TTI1: variants seen among roughly 807,000 people sequenced by gnomAD.
The protein encoded by TTI1 is TELO2 interacting protein 1, also known as TELO2-interacting protein 1 homolog.
Under a neutral mutation model 85.4 loss-of-function variants are expected in TTI1, and 52 were observed. The ratio of observed to expected loss-of-function variants is 0.61; its 90% CI spans 0.49 to 0.77. The LOEUF is 0.77. Among genes scored for constraint, TTI1 ranks in the 30% least tolerant of loss-of-function variants. The probability of loss-of-function intolerance (pLI) is 0.00; values close to 1 mark genes in which losing one functional copy is unlikely to be tolerated. For synonymous variants in TTI1, 512 were observed against 503.9 expected, an observed-to-expected ratio of 1.02 and a Z score of -0.22; for missense variants, 1,173 against 1,296.0, an observed-to-expected ratio of 0.91 and a Z score of 1.46.
intron 7 of TTI1, among the ~76,000 whole-genome samples, chr20:37,983,908 C>A (rs1471942002): frequency 2.0e-5 from 3 of 152,148 alleles, no homozygotes; most frequent in African/African-American, 7.2e-5. Flanking sequence ...ATATTGACAG[C>A]AAACAAGCTC....
intron 1 of TTI1, among the ~76,000 whole-genome samples, chr20:38,020,577 G>A (rs2073756679): frequency 6.6e-6 from 1 of 151,262 alleles, no homozygotes; most frequent in African/African-American, 2.4e-5. Flanking sequence ...TTCAAAAAGT[G>A]ACAGAAGATA....
At chr20:38,014,976 G>A (rs570533806) in intron 1 of TTI1, among the ~76,000 whole-genome samples, 1 of 152,116 alleles carries the variant, frequency 6.6e-6, no homozygotes. Flanking sequence ...GTAAAATGTC[G>A]GCATTGGATG....
chr20:38,010,254 T>C (rs910610178), intron 2 of TTI1, among the ~76,000 whole-genome samples: 54 of 152,212 alleles, frequency 3.5e-4, no homozygotes, highest in African/African-American at 1.3e-3. Flanking sequence ...AGAATGTTTC[T>C]TACAAGGTCT....
Position 38,011,713 on chromosome 20 carries a change from T to C in TTI1, c.2104A>G (p.Ile702Val). 1 of 1,614,138 alleles carries C rather than the reference T, an allele frequency of 6.2e-7. No individual in the cohort carries two copies. Among genetic ancestry groups the C allele is most frequent in the Middle Eastern group, 1.7e-4 (1 of 6,060 alleles). ...NQNSDYLVNGISLNLRHLALH... is the reference protein window; with the variant it reads ...NQNSDYLVNGVSLNLRHLALH... ...GCCAGATGACGCAGATTTAAAGAGA[T>C]CCCATTCACTAAATAGTCTGAATTT... The change falls in exon 2 of 8, where the codon ATC (isoleucine) becomes GTC (valine). Residue 702 changes from isoleucine to valine, a missense_variant. Physicochemically the swap from Ile to Val is conservative, Grantham distance 29 (BLOSUM62 3). Transcript: ENST00000373447.
At chr20:38,017,438 G>GCGCGCGCCTTTGGTGTGTGCGCA (rs1568627150) in intron 1 of TTI1, among the ~76,000 whole-genome samples, 20 of 149,262 alleles carry the variant, frequency 1.3e-4, no homozygotes, top group African/African-American at 5.1e-4. Context: ...GTGTGTGTGC[G>GCGCGCGCCTTTGGTGTGTGCGCA]CGCGCGCCTT....
In TTI1 at chr20:38,002,718, T is replaced by C; in HGVS notation, c.2562A>G (p.Pro854=). ...DENDTRPDVE[P]PLPLQIQIAM... ...CTATTTGGATCTGCAATGGCAGTGG[T>C]GGCTCCACATCTGGACGGGTGTCAT... Residue 854 remains proline, a synonymous_variant, in exon 4 of 8, where the codon CCA becomes CCG. Transcript: ENST00000373447. 1 of 1,614,240 alleles carries C rather than the reference T, an allele frequency of 6.2e-7. No homozygotes were observed. Among genetic ancestry groups the C allele is most frequent in the Non-Finnish European group, 8.5e-7 (1 of 1,180,046 alleles).
intron 5 of TTI1, 103 bp downstream of exon 5, chr20:37,999,084 GA>G (rs2073382347): frequency 7.5e-6 from 9 of 1,201,652 alleles, no homozygotes; most frequent in Non-Finnish European, 9.7e-6. Flanking sequence ...CACAGTATGT[GA>G]CATTGCAATC....
rs200042507 is a variant in TTI1 at position 38,013,199 on chromosome 20, A to C, written c.618T>G (p.Phe206Leu). 6.2e-7 allele frequency: 1 copy of C among 1,614,150 alleles called. No individual in the cohort carries two copies. Among genetic ancestry groups the C allele is most frequent in the African/African-American group, 1.3e-5 (1 of 75,050 alleles). ...ELEQKQLGDL[F>L]ASFLPGISTA... ...TTGAGATTCCAGGTAAAAAAGAGGC[A>C]AACAAATCCCCCAGCTGCTTTTGTT... is the stretch of plus-strand genomic sequence containing the variant. Residue 206 changes from phenylalanine (F) to leucine (L), a missense_variant, in exon 2 of 8, where the codon TTT becomes TTG. Coordinates refer to ENST00000373447, the MANE Select transcript of TTI1 (RefSeq NM_001303457.2).
chr20:38,002,831 C>A, intron 3 of TTI1, 55 bp from the exon 4 acceptor site: 4 of 1,594,252 alleles, frequency 2.5e-6, no homozygotes, highest in Non-Finnish European at 3.4e-6. Flanking sequence ...AACAGAGATA[C>A]CTAAATTTCT....
intron 2 of TTI1, among the ~76,000 whole-genome samples, chr20:38,010,858 C>T (rs575558898): frequency 6.6e-6 from 1 of 152,156 alleles, no homozygotes; most frequent in Non-Finnish European, 1.5e-5. Context: ...TAAACCAACT[C>T]ACACAATTAA....
chr20:38,009,926 G>A (rs984690587), intron 2 of TTI1, among the ~76,000 whole-genome samples: 3 of 152,220 alleles, frequency 2.0e-5, no homozygotes, highest in African/African-American at 7.2e-5. Flanking sequence ...ACTTATAGGA[G>A]CCTGTGTCTG....
intron 7 of TTI1, among the ~76,000 whole-genome samples, chr20:37,990,977 A>G (rs569837282): frequency 6.6e-6 from 1 of 152,352 alleles, no homozygotes; most frequent in South Asian, 2.1e-4. Context: ...CCCTGCCTTC[A>G]GTTCTGAAAC....
At position 38,006,256 on chromosome 20, in the gene TTI1, T is replaced by C. The variant is rs2073496666; in HGVS notation, c.2444A>G (p.Asn815Ser). 1.2e-6 allele frequency: 2 copies of C among 1,614,204 alleles called. No homozygotes were observed. Among genetic ancestry groups the C allele is most frequent in the African/African-American group, 1.3e-5 (1 of 75,058 alleles). The change falls in exon 3 of 8, where the codon AAC becomes AGC. Residue 815 changes from asparagine to serine, a missense_variant. By Grantham distance (46) the Asn-to-Ser change is conservative (BLOSUM62 1). Transcript: ENST00000373447. ...TGCCACATCCTTCTCTTTGAGGTAG[T>C]TCAGCAAAAACTGTTCGATGTCTTC... ...TAEDIEQFLL[N>S]YLKEKDVADG...
rs760181768 is a variant in TTI1, at chr20:38,013,227, A to C, written c.590T>G (p.Leu197Arg). The C allele has an allele frequency of 6.2e-7, 1 of 1,613,984 alleles. No individual in the cohort carries two copies. Among genetic ancestry groups the C allele is most frequent in the African/African-American group, 1.3e-5 (1 of 74,928 alleles). The stretch of plus-strand genomic sequence containing the variant: ...CAAATCCCCCAGCTGCTTTTGTTCA[A>C]GTTCATCCAATGACCTTGGATGGTC... The part of the protein sequence containing the change: ...CQDHPRSLDE[L>R]EQKQLGDLFA... The change falls in exon 2 of 8, where the codon CTT (leucine) becomes CGT (arginine). Residue 197 changes from leucine (L) to arginine (R), a missense_variant. By Grantham distance (102) the Leu-to-Arg change is moderately radical (BLOSUM62 -2). Coordinates refer to ENST00000373447, the MANE Select transcript of TTI1 (RefSeq NM_001303457.2).
At chr20:38,027,553 T>C (rs1294071912) in intron 1 of TTI1, among the ~76,000 whole-genome samples, 1 of 152,212 alleles carries the variant, frequency 6.6e-6, no homozygotes, top group Admixed American at 6.5e-5. Flanking sequence ...AACAGTTGTT[T>C]AACATAAATT....
chr20:38,009,645 C>A (rs1303218311), intron 2 of TTI1, among the ~76,000 whole-genome samples: 1 of 151,924 alleles, frequency 6.6e-6, no homozygotes, highest in Non-Finnish European at 1.5e-5. Flanking sequence ...GAATTACAGG[C>A]ATGTACCGCC....
chr20:38,002,009 G>C (rs1183055691), intron 4 of TTI1, among the ~76,000 whole-genome samples: 1 of 152,098 alleles, frequency 6.6e-6, no homozygotes, highest in African/African-American at 2.4e-5. Context: ...GAGCCACCGC[G>C]CCTGGCCGAC....
Position 38,020,323 on chromosome 20 carries a change from AATATATAT to A in TTI1, c.-41-6474_-41-6467del, listed in dbSNP as rs1159604655. Among the ~76,000 whole-genome samples the A allele has an allele frequency of 4.9e-3, 247 of 50,400 alleles. 7 individuals are homozygous for A. The highest frequency in any genetic ancestry group is 0.021 in the African/African-American group (237 of 11,238). The allele number at this position is 50,400 out of a possible 152,430, so 33.1% of individuals were successfully genotyped here. On this transcript the variant is annotated intron_variant, in intron 1 of 7. Coordinates refer to ENST00000373447, the MANE Select transcript of TTI1 (RefSeq NM_001303457.2). ...GGCTACTCATATGAAAAAAAAAAAA[AATATATAT>A]ATATATATATATATATATATATGTA... is the stretch of plus-strand genomic sequence containing the variant.
chr20:38,012,253 C>T lies in TTI1; in HGVS notation c.1564G>A (p.Ala522Thr). The T allele has an allele frequency of 2.5e-6, 4 of 1,614,218 alleles. No homozygotes were observed. The highest frequency in any genetic ancestry group is 3.4e-6 in the Non-Finnish European group (4 of 1,180,036). ...YHQSVVYRKQ[A>T]AMILNELVTG... is the part of the protein sequence containing the mutation. ...ACCAGTTCATTAAGGATCATGGCAG[C>T]TTGCTTCCGGTAAACCACAGATTGA... Residue 522 changes from alanine (A) to threonine (T), a missense_variant, in exon 2 of 8, where the codon GCT (alanine) becomes ACT (threonine). By Grantham distance (58) the Ala-to-Thr change is moderately conservative. Coordinates refer to ENST00000373447, the MANE Select transcript of TTI1 (RefSeq NM_001303457.2).
Sources: gnomAD v4.1 joint callset for allele counts (sites outside exome capture counted in the v4.1 genomes callset) on GRCh38, gnomAD v4.1.1 for gene constraint, MANE v1.5 for transcripts, NCBI Gene and HGNC (gene_info 2026-07-23, HGNC 2026-07-21) for gene names.